The following ZMYND19 variants were observed in gnomAD, a reference collection of about 807,000 sequenced individuals.
The protein encoded by ZMYND19 is zinc finger MYND domain-containing protein 19.
ZMYND19 carries 17 observed loss-of-function variants against 32.0 expected under a neutral mutation model. The observed-to-expected ratio is 0.53, with a 90% CI of 0.36 to 0.80. The LOEUF is 0.80. ZMYND19 is among the 30% of genes least tolerant of loss of function. ZMYND19 has a pLI of 0.00. For missense variants in ZMYND19, 250 were observed against 293.6 expected (o/e 0.85, Z 1.09); for synonymous variants, 124 against 113.6 (o/e 1.09, Z -0.58).
Position 137,587,887 on chromosome 9 carries a change from C to T in ZMYND19, c.112-64G>A, listed in dbSNP as rs1442157380. On this transcript the variant is annotated intron_variant, in intron 2 of 5. Coordinates refer to ENST00000298585, the MANE Select transcript of ZMYND19 (RefSeq NM_138462.3). ...CAATTCTCAGCAACACTTCAATTCC[C>T]TCTTAGAAAAACCAAGTGAAACAAG... The T allele has an allele frequency of 1.3e-6, 2 of 1,517,044 alleles. No homozygotes were observed. Among genetic ancestry groups the T allele is most frequent in the East Asian group, 4.5e-5 (2 of 44,382 alleles). 94.0% of individuals were successfully genotyped at this position (1,517,044 alleles called of 1,614,324 possible).
chr9:137,582,832 G>A (rs1842162564), intron 5 of ZMYND19, 146 bp from the exon 6 acceptor site: 8 of 1,503,416 alleles, frequency 5.3e-6, no homozygotes, highest in Non-Finnish European at 7.1e-6. Context: ...GCCAGCACAA[G>A]GGCAAAGGGA....
intron 3 of ZMYND19, chr9:137,587,319 C>T: frequency 1.3e-6 from 1 of 776,184 alleles, no homozygotes; most frequent in East Asian, 2.7e-5. Flanking sequence ...GACAGGGACA[C>T]AGGGAGGACC....
intron 4 of ZMYND19, among the ~76,000 whole-genome samples, 196 bp downstream of exon 4, chr9:137,586,771 C>T (rs140595534): frequency 9.8e-5 from 15 of 152,354 alleles, no homozygotes; most frequent in African/African-American, 3.6e-4. Context: ...AAAACACACA[C>T]CATCAAGATC....
chr9:137,586,067 G>A (rs1271299425), intron 4 of ZMYND19, among the ~76,000 whole-genome samples: 2 of 152,246 alleles, frequency 1.3e-5, no homozygotes, highest in African/African-American at 4.8e-5. Context: ...CAGACTGGCT[G>A]GTTCTAGGGC....
At position 137,590,406 on chromosome 9, in the gene ZMYND19, A is replaced by T; in HGVS notation, c.-143T>A. 2.3e-6 allele frequency: 1 copy of T among 433,970 alleles called. No individual in the cohort carries two copies. The highest frequency in any genetic ancestry group is 3.0e-6 in the Non-Finnish European group (1 of 328,000). 26.9% of individuals were successfully genotyped at this position (433,970 alleles called of 1,614,324 possible). A position where few individuals can be genotyped will look rare whatever the true frequency, so the allele number is the denominator to read the frequency against. On this transcript the variant is annotated 5_prime_UTR_variant, in exon 1 of 6. Coordinates refer to ENST00000298585, the MANE Select transcript of ZMYND19 (RefSeq NM_138462.3). The surrounding 1 kb of genome is among the most constrained non-coding windows in gnomAD (Gnocchi z 4.2). Reference sequence around the variant, plus strand: ...AGCCAGGCGGGCTCCGGGCGGGACGAGGCTGGGCCGGGCTCGGGCCTCCGC... The same window carrying T: ...AGCCAGGCGGGCTCCGGGCGGGACGTGGCTGGGCCGGGCTCGGGCCTCCGC...
At chr9:137,584,637 T>C (rs1269229867) in intron 4 of ZMYND19, among the ~76,000 whole-genome samples, 2 of 152,206 alleles carry the variant, frequency 1.3e-5, no homozygotes, top group African/African-American at 2.4e-5. Context: ...CATGTATCAA[T>C]GTGGGACAAC....
intron 1 of ZMYND19, chr9:137,589,697 C>T (rs1011011377): frequency 2.0e-6 from 2 of 985,484 alleles, no homozygotes; most frequent in Admixed American, 6.1e-5. Context: ...CGTGGCCAAC[C>T]CCTGGCAGCG....
At chr9:137,588,892 G>T in intron 1 of ZMYND19, 174 bp from the exon 2 acceptor site, 1 of 661,366 alleles carries the variant, frequency 1.5e-6, no homozygotes, top group East Asian at 2.7e-5. Context: ...CCACCGTTTG[G>T]GGTGGTGCAG....
At chr9:137,586,899 A>C in intron 4 of ZMYND19, 68 bp downstream of exon 4, 205 of 1,589,142 alleles carry the variant, frequency 1.3e-4, no homozygotes, top group Middle Eastern at 1.7e-4. Context: ...CTTGGAAACA[A>C]GAGCTTTGGC....
intron 1 of ZMYND19, 81 bp from the exon 2 acceptor site, chr9:137,588,799 G>T: frequency 6.6e-7 from 1 of 1,515,070 alleles, no homozygotes; most frequent in Non-Finnish European, 9.2e-7. Flanking sequence ...GAACAGGCAG[G>T]AGCCTGTTGC....
chr9:137,588,753 T>G, intron 1 of ZMYND19, 35 bp from the exon 2 acceptor site: 1 of 1,613,344 alleles, frequency 6.2e-7, no homozygotes, highest in Non-Finnish European at 8.5e-7. Flanking sequence ...ATCATTACAT[T>G]TGGGATCTGC....
At chr9:137,586,917 C>G (rs769387874) in intron 4 of ZMYND19, 50 bp downstream of exon 4, 1 of 1,606,430 alleles carries the variant, frequency 6.2e-7, no homozygotes, top group Non-Finnish European at 8.5e-7. Flanking sequence ...GGCGGTGGCC[C>G]TCCTCAAAAG....
intron 4 of ZMYND19, 54 bp downstream of exon 4, chr9:137,586,913 G>A: frequency 6.2e-7 from 1 of 1,605,058 alleles, no homozygotes; most frequent in Non-Finnish European, 8.5e-7. Flanking sequence ...CTTTGGCGGT[G>A]GCCCTCCTCA....
At chr9:137,588,297 G>A (rs879282515) in intron 2 of ZMYND19, among the ~76,000 whole-genome samples, 2 of 152,256 alleles carry the variant, frequency 1.3e-5, no homozygotes, top group Non-Finnish European at 2.9e-5. Context: ...GGCAGGCCCA[G>A]CAGAGGTGGC....
intron 3 of ZMYND19, 106 bp from the exon 4 acceptor site, chr9:137,587,213 C>T (rs1033926725): frequency 6.6e-6 from 10 of 1,524,840 alleles, no homozygotes; most frequent in Admixed American, 1.9e-5. Flanking sequence ...AAATGTCAGC[C>T]ATGTGATCTG....
intron 4 of ZMYND19, among the ~76,000 whole-genome samples, chr9:137,586,087 C>T (rs1368254636): frequency 6.6e-6 from 1 of 152,256 alleles, no homozygotes; most frequent in Non-Finnish European, 1.5e-5. Flanking sequence ...CCAGCAGGAA[C>T]CGCCCTCCCA....
chr9:137,586,268 G>T (rs548760678), intron 4 of ZMYND19, among the ~76,000 whole-genome samples: 8 of 149,602 alleles, frequency 5.3e-5, no homozygotes, highest in Non-Finnish European at 1.0e-4. Context: ...CTGAGGTGAG[G>T]AGAGAAGGAA....
chr9:137,582,802 A>G, intron 5 of ZMYND19, 116 bp from the exon 6 acceptor site: 1 of 1,520,658 alleles, frequency 6.6e-7, no homozygotes, highest in Non-Finnish European at 8.8e-7. Context: ...CCAAGGCTGG[A>G]GGGCCTGGGC....
intron 2 of ZMYND19, 97 bp downstream of exon 2, chr9:137,588,562 G>A (rs1340619187): frequency 1.0e-5 from 14 of 1,373,338 alleles, no homozygotes; most frequent in East Asian, 4.6e-5. Flanking sequence ...TTGTGGGGCC[G>A]CCTGCTCTTG....
Sources: allele counts gnomAD v4.1 joint callset (sites outside exome capture counted in the v4.1 genomes callset), GRCh38; gene constraint gnomAD v4.1.1; non-coding constraint Gnocchi (gnomAD v3.1); transcripts MANE v1.5; gene names NCBI Gene and HGNC (gene_info 2026-07-23, HGNC 2026-07-21).